The following MROH9 variants were observed in gnomAD, a reference collection of about 807,000 sequenced individuals.
MROH9 encodes maestro heat like repeat family member 9, also known as maestro heat-like repeat-containing protein family member 9.
In MROH9, 92 loss-of-function variants were observed where a neutral mutation model predicts 98.2. The observed-to-expected ratio is 0.94, with a 90% CI of 0.79 to 1.11. The LOEUF is 1.11. Among genes scored for constraint, MROH9 ranks in the 50% most tolerant of loss-of-function variants. MROH9 has a pLI of 0.00. For synonymous variants in MROH9, 397 were observed against 368.9 expected (o/e 1.08, Z -0.87); for missense variants, 1,057 against 1,014.8 (o/e 1.04, Z -0.57).
At position 171,016,227 on chromosome 1, in the gene MROH9, T is replaced by C. The variant is rs1411358363; in HGVS notation, c.1799T>C (p.Val600Ala). The C allele has an allele frequency of 1.3e-6, 2 of 1,541,116 alleles. No individual in the cohort carries two copies. Among genetic ancestry groups the C allele is most frequent in the Non-Finnish European group, 1.8e-6 (2 of 1,142,320 alleles). Residue 600 changes from valine to alanine, a missense_variant, in exon 17 of 22, where the codon GTT becomes GCT. Physicochemically the swap from Val to Ala is moderately conservative, Grantham distance 64 (BLOSUM62 0). Coordinates refer to ENST00000367759, the MANE Select transcript of MROH9 (RefSeq NM_001163629.2). ...LDAFLSKDDN[V>A]VLQALLTLRR... ...GCCTTCCTTTCCAAAGACGATAATG[T>C]TGTACTTCAGGCCTTGCTCACCCTT...
intron 6 of MROH9, among the ~76,000 whole-genome samples, chr1:170,963,630 C>T (rs763986073): frequency 3.9e-5 from 6 of 152,100 alleles, no homozygotes; most frequent in Non-Finnish European, 7.4e-5. Flanking sequence ...AGTACACATA[C>T]ACCATGGGAT....
intron 1 of MROH9, among the ~76,000 whole-genome samples, chr1:170,945,160 C>G (rs556626860): frequency 6.6e-6 from 1 of 151,762 alleles, no homozygotes; most frequent in Non-Finnish European, 1.5e-5. Flanking sequence ...CCGCAGCCAG[C>G]AAAGTAATAG....
chr1:171,050,746 G>T (rs574850854), intron 20 of MROH9, among the ~76,000 whole-genome samples: 13 of 152,274 alleles, frequency 8.5e-5, no homozygotes, highest in Middle Eastern at 3.4e-3. Flanking sequence ...TCTTGTTCCA[G>T]TTCTTAGGTG....
At chr1:170,964,772 C>G (rs946999142) in intron 6 of MROH9, among the ~76,000 whole-genome samples, 3 of 151,856 alleles carry the variant, frequency 2.0e-5, no homozygotes, top group African/African-American at 7.3e-5. Flanking sequence ...CTCTTTAAAG[C>G]TGAAAGGCAG....
intron 15 of MROH9, among the ~76,000 whole-genome samples, chr1:171,008,886 G>A (rs916984362): frequency 3.9e-5 from 6 of 152,096 alleles, no homozygotes; most frequent in Admixed American, 2.0e-4. Context: ...TTGCATAAGA[G>A]AGAAAAAGAC....
rs775885102 is a variant in MROH9, at chr1:170,971,713, T to G, written c.481-35T>G. The G allele has an allele frequency of 2.5e-6, 4 of 1,611,376 alleles. No homozygotes were observed. The African/African-American group carries it at 5.3e-5, about 22-fold the overall frequency. On this transcript the variant is annotated intron_variant, in intron 7 of 21. Coordinates refer to ENST00000367759, the MANE Select transcript of MROH9 (RefSeq NM_001163629.2). ...CAGACATTTTCATATTGGCTATGCA[T>G]AGCAAATGCATGTTCTCCTTTGTTT...
At chr1:170,957,806 T>TTG (rs1553210642) in intron 3 of MROH9, among the ~76,000 whole-genome samples, 1,661 of 147,534 alleles carry the variant, frequency 0.011, 14 homozygotes, top group Middle Eastern at 0.025. Context: ...TTTTTTTTTT[T>TTG]TTTGTTTGTT....
chr1:170,999,200 G>A (rs1485450963), intron 15 of MROH9, among the ~76,000 whole-genome samples: 1 of 151,982 alleles, frequency 6.6e-6, no homozygotes, highest in Non-Finnish European at 1.5e-5. Context: ...TGGGGTACAG[G>A]TGGTATTTGG....
At chr1:171,019,320 T>G (rs1266841309) in intron 17 of MROH9, among the ~76,000 whole-genome samples, 1 of 152,102 alleles carries the variant, frequency 6.6e-6, no homozygotes, top group African/African-American at 2.4e-5. Context: ...ACAGCGGTGT[T>G]GAGAGGGAAA....
At chr1:170,959,736 A>G in intron 5 of MROH9, 139 bp downstream of exon 5, 1 of 666,954 alleles carries the variant, frequency 1.5e-6, no homozygotes, top group African/African-American at 1.8e-5. Context: ...GCACTAATCT[A>G]TACCACTGGA....
intron 6 of MROH9, among the ~76,000 whole-genome samples, chr1:170,962,883 C>T (rs1650072034): frequency 6.6e-6 from 1 of 151,848 alleles, no homozygotes; most frequent in African/African-American, 2.4e-5. Flanking sequence ...TCCTAGAAGA[C>T]AACTTATGCA....
intron 3 of MROH9, among the ~76,000 whole-genome samples, chr1:170,957,203 T>C (rs927392884): frequency 2.0e-5 from 3 of 152,194 alleles, no homozygotes; most frequent in African/African-American, 7.2e-5. Flanking sequence ...AATTTTGCTT[T>C]TGTTGCCTGT....
At chr1:171,026,883 G>A (rs567001434) in intron 20 of MROH9, among the ~76,000 whole-genome samples, 43 of 152,242 alleles carry the variant, frequency 2.8e-4, no homozygotes, top group African/African-American at 9.2e-4. Context: ...TCTGGGATGG[G>A]ATAATGGGAG....
intron 7 of MROH9, among the ~76,000 whole-genome samples, chr1:170,969,355 G>A (rs1042306714): frequency 9.2e-5 from 14 of 152,126 alleles, no homozygotes; most frequent in African/African-American, 3.4e-4. Flanking sequence ...TTCTACTTAT[G>A]TTCCTATTCT....
intron 10 of MROH9, among the ~76,000 whole-genome samples, chr1:170,989,624 TGGGCATTTTCCC>T (rs1411584301): frequency 6.6e-6 from 1 of 152,238 alleles, no homozygotes; most frequent in Non-Finnish European, 1.5e-5. Context: ...TTTAAAGAAA[TGGGCATTTTCCC>T]GCTATTCATA....
intron 9 of MROH9, among the ~76,000 whole-genome samples, chr1:170,985,857 C>T (rs1358242644): frequency 6.6e-6 from 1 of 151,946 alleles, no homozygotes; most frequent in Non-Finnish European, 1.5e-5. Flanking sequence ...CTTAGTTCTG[C>T]CTTATGACCA....
chr1:170,994,685 T>A (rs1651490816), intron 12 of MROH9, among the ~76,000 whole-genome samples: 1 of 152,172 alleles, frequency 6.6e-6, no homozygotes, highest in Admixed American at 6.5e-5. Flanking sequence ...TCAAATAATC[T>A]TATTTATTCT....
At chr1:170,967,973 T>A (rs1468405799) in intron 7 of MROH9, among the ~76,000 whole-genome samples, 1 of 152,172 alleles carries the variant, frequency 6.6e-6, no homozygotes, top group Non-Finnish European at 1.5e-5. Flanking sequence ...TAATAAAATA[T>A]TTTAAAAGTA....
intron 1 of MROH9, among the ~76,000 whole-genome samples, chr1:170,943,298 A>G (rs371859251): frequency 6.6e-6 from 1 of 152,230 alleles, no homozygotes; most frequent in East Asian, 1.9e-4. Context: ...AAAATACTCC[A>G]AAAGCAATGT....
Sources: gnomAD v4.1 joint callset for allele counts (sites outside exome capture counted in the v4.1 genomes callset) on GRCh38, gnomAD v4.1.1 for gene constraint, MANE v1.5 for transcripts, NCBI Gene and HGNC (gene_info 2026-07-23, HGNC 2026-07-21) for gene names.